The following PAG1 variants were observed in gnomAD, a reference collection of about 807,000 sequenced individuals.
The protein encoded by PAG1 is phosphoprotein membrane anchor with glycosphingolipid microdomains 1, also known as phosphoprotein associated with glycosphingolipid-enriched microdomains 1.
PAG1 carries 23 observed loss-of-function variants against 31.7 expected under a neutral mutation model. The observed-to-expected ratio is 0.73, with a 90% confidence interval of 0.52 to 1.03. The LOEUF (loss-of-function observed/expected upper bound fraction) is 1.03, where lower values mean the gene tolerates loss of function less well. PAG1 is among the 50% of genes least tolerant of loss of function. The pLI is 0.00. For missense variants in PAG1, 473 were observed against 540.7 expected (o/e 0.87, Z 1.24); for synonymous variants, 214 against 210.3 (o/e 1.02, Z -0.15).
intron 3 of PAG1, among the ~76,000 whole-genome samples, chr8:81,009,863 C>T (rs775425879): frequency 6.6e-6 from 1 of 152,220 alleles, no homozygotes; most frequent in Non-Finnish European, 1.5e-5. Flanking sequence ...GATCCTCCTA[C>T]CTTGGCCTCC....
At chr8:81,054,490 C>T (rs983340508) in intron 2 of PAG1, among the ~76,000 whole-genome samples, 6 of 151,948 alleles carry the variant, frequency 3.9e-5, no homozygotes, top group South Asian at 2.1e-4. Context: ...CTGGCTAATA[C>T]GGTGAAACCC....
intron 8 of PAG1, among the ~76,000 whole-genome samples, chr8:80,977,518 C>T (rs997594036): frequency 3.3e-5 from 5 of 152,232 alleles, no homozygotes; most frequent in South Asian, 2.1e-4. Context: ...TGGTCTCCAA[C>T]ACCCGTTGCT....
At chr8:80,999,296 CAT>C (rs1807743069) in intron 3 of PAG1, among the ~76,000 whole-genome samples, 1 of 152,210 alleles carries the variant, frequency 6.6e-6, no homozygotes, top group African/African-American at 2.4e-5. Context: ...TTTGCCTACA[CAT>C]GATTGTTATC....
intron 3 of PAG1, among the ~76,000 whole-genome samples, chr8:81,006,072 A>G (rs1413569735): frequency 1.3e-5 from 2 of 152,044 alleles, no homozygotes; most frequent in Non-Finnish European, 2.9e-5. Context: ...CCTCCCAAGT[A>G]CCTGGGACTA....
intron 3 of PAG1, among the ~76,000 whole-genome samples, chr8:81,005,279 C>A (rs1184107902): frequency 2.0e-5 from 3 of 152,078 alleles, no homozygotes; most frequent in African/African-American, 7.2e-5. Flanking sequence ...AGGGGGAATT[C>A]TGAGAGAATG....
At chr8:81,064,246 G>A (rs1260352370) in intron 2 of PAG1, among the ~76,000 whole-genome samples, 1 of 152,146 alleles carries the variant, frequency 6.6e-6, no homozygotes, top group Non-Finnish European at 1.5e-5. Context: ...GTTCCACTAA[G>A]ATCATCATGA....
chr8:81,111,280 C>T (rs909596266), intron 1 of PAG1, among the ~76,000 whole-genome samples: 1 of 152,214 alleles, frequency 6.6e-6, no homozygotes. Flanking sequence ...TGCCCAGCCC[C>T]TTCACCCCAA....
rs888139350 is a variant in PAG1, at chr8:80,969,685, G to A, written c.*6859C>T. 1.3e-5 allele frequency: 2 copies of A among 152,192 alleles called. No homozygotes were observed. The highest frequency in any genetic ancestry group is 1.3e-4 in the Admixed American group (2 of 15,278). 9.4% of individuals were successfully genotyped at this position (152,192 alleles called of 1,614,324 possible). ...AAAAAACTAAATGTATAAAGAGAAT[G>A]AGCAGAGATATCTGTTCTGCTAATT... is the stretch of plus-strand genomic sequence containing the variant. On this transcript the variant is annotated 3_prime_UTR_variant, in exon 9 of 9. Transcript: ENST00000220597.
At chr8:81,059,813 C>A (rs898914679) in intron 2 of PAG1, among the ~76,000 whole-genome samples, 1 of 151,948 alleles carries the variant, frequency 6.6e-6, no homozygotes, top group African/African-American at 2.4e-5. Context: ...GTCAGTAGTT[C>A]GAGACCAGCC....
At chr8:81,018,121 T>C (rs1407840298) in intron 3 of PAG1, among the ~76,000 whole-genome samples, 3 of 152,206 alleles carry the variant, frequency 2.0e-5, no homozygotes, top group Non-Finnish European at 4.4e-5. Context: ...AAGCATAATA[T>C]GAACATTTGG....
chr8:81,035,775 TG>T (rs768017369), intron 2 of PAG1, among the ~76,000 whole-genome samples: 3 of 151,810 alleles, frequency 2.0e-5, no homozygotes, highest in Admixed American at 6.6e-5. Flanking sequence ...CAGTGAAGAG[TG>T]GAACAGGTCT....
intron 3 of PAG1, among the ~76,000 whole-genome samples, chr8:81,016,257 C>G (rs1808070910): frequency 2.0e-5 from 3 of 152,166 alleles, no homozygotes; most frequent in Admixed American, 2.0e-4. Flanking sequence ...TGTTATGCAG[C>G]AAATGCTATA....
intron 2 of PAG1, among the ~76,000 whole-genome samples, chr8:81,042,963 T>C (rs1808579746): frequency 6.6e-6 from 1 of 152,222 alleles, no homozygotes; most frequent in Admixed American, 6.5e-5. Context: ...CCACCAATCA[T>C]AGTTGAAGAT....
chr8:80,999,149 T>G lies in PAG1; in HGVS notation c.-80-5842A>C, dbSNP rs186125364. Among the ~76,000 whole-genome samples, 6 of 152,330 alleles carry G rather than the reference T, an allele frequency of 3.9e-5. No homozygotes were observed. The East Asian group carries it at 7.7e-4, about 20-fold the overall frequency. On this transcript the variant is annotated intron_variant, in intron 3 of 8. Coordinates refer to ENST00000220597, the MANE Select transcript of PAG1 (RefSeq NM_018440.4). ...CTAAAGTGTGCAAATTCAGGTAGTC[T>G]TCCGTTCAGGTTACAGGGACTGTGC... is the stretch of plus-strand genomic sequence containing the variant.
chr8:81,011,275 C>T (rs1450639503), intron 3 of PAG1, among the ~76,000 whole-genome samples: 4 of 152,172 alleles, frequency 2.6e-5, no homozygotes, highest in Admixed American at 1.3e-4. Context: ...CCACATGTTA[C>T]GGGAGAGACC....
chr8:81,061,965 G>A (rs1253947330), intron 2 of PAG1, among the ~76,000 whole-genome samples: 1 of 152,094 alleles, frequency 6.6e-6, no homozygotes, highest in African/African-American at 2.4e-5. Context: ...GTTTAGTCTC[G>A]TAATTCAGTG....
intron 1 of PAG1, among the ~76,000 whole-genome samples, chr8:81,092,240 G>A (rs1809460073): frequency 6.6e-6 from 1 of 150,864 alleles, no homozygotes. Flanking sequence ...AAAATTAGCT[G>A]GGCATGGTGG....
At chr8:81,066,492 ATTGAT>A (rs1809008881) in intron 2 of PAG1, among the ~76,000 whole-genome samples, 1 of 152,154 alleles carries the variant, frequency 6.6e-6, no homozygotes, top group Non-Finnish European at 1.5e-5. Context: ...CTAGGGAAAC[ATTGAT>A]TTAAGAGGAA....
At position 81,111,596 on chromosome 8, in the gene PAG1, C is replaced by T. The variant is rs914499963; in HGVS notation, c.-239G>A. On this transcript the variant is annotated 5_prime_UTR_variant, in exon 1 of 9. Coordinates refer to ENST00000220597, the MANE Select transcript of PAG1 (RefSeq NM_018440.4). ...AGAAACTACAGTCAACTTACTGGGA[C>T]TCAGGAGGCAGGGAGTCTTCCTGGC... 6.6e-6 allele frequency: 1 copy of T among 152,332 alleles called. No homozygotes were observed. Among genetic ancestry groups the T allele is most frequent in the African/African-American group, 2.4e-5 (1 of 41,466 alleles). The allele number at this position is 152,332 out of a possible 1,614,324, so 9.4% of individuals were successfully genotyped here.
Sources: gnomAD v4.1 joint callset for allele counts (sites outside exome capture counted in the v4.1 genomes callset) on GRCh38, gnomAD v4.1.1 for gene constraint, MANE v1.5 for transcripts, NCBI Gene and HGNC (gene_info 2026-07-23, HGNC 2026-07-21) for gene names.